The following SCFD1 variants were observed in gnomAD, a reference collection of about 807,000 sequenced individuals.
SCFD1 encodes sec1 family domain-containing protein 1.
A neutral mutation model predicts 103.2 loss-of-function variants in SCFD1; 37 were observed. The observed-to-expected ratio is 0.36, with a 90% CI of 0.28 to 0.47. SCFD1 has a LOEUF of 0.47. SCFD1 is among the 20% of genes least tolerant of loss of function. The probability of loss-of-function intolerance (pLI) is 1.00; values close to 1 mark genes in which losing one functional copy is unlikely to be tolerated. For missense variants in SCFD1, 639 were observed against 761.2 expected, an observed-to-expected ratio of 0.84 and a Z score of 1.89; for synonymous variants, 264 against 245.0, an observed-to-expected ratio of 1.08 and a Z score of -0.73.
intron 10 of SCFD1, among the ~76,000 whole-genome samples, chr14:30,666,895 T>C (rs1021137180): frequency 3.9e-5 from 6 of 152,112 alleles, no homozygotes; most frequent in Non-Finnish European, 5.9e-5. Context: ...GGCTCTGAAA[T>C]TGAGGCAGTA....
intron 14 of SCFD1, among the ~76,000 whole-genome samples, chr14:30,684,692 T>G (rs1175406460): frequency 6.6e-6 from 1 of 151,386 alleles, no homozygotes; most frequent in Non-Finnish European, 1.5e-5. Flanking sequence ...ATAGTGCTTT[T>G]GATTGTCTAG....
intron 19 of SCFD1, among the ~76,000 whole-genome samples, chr14:30,713,848 T>C (rs1892068935): frequency 1.3e-5 from 2 of 152,194 alleles, no homozygotes; most frequent in African/African-American, 2.4e-5. Flanking sequence ...TTTTTAATTA[T>C]TTATTCTTGT....
chr14:30,632,087 G>A (rs1163694134), intron 3 of SCFD1, among the ~76,000 whole-genome samples: 1 of 148,758 alleles, frequency 6.7e-6, no homozygotes, highest in Non-Finnish European at 1.5e-5. Flanking sequence ...TTTGGAGAAG[G>A]ACTGTGTTCA....
At chr14:30,636,723 G>A (rs143679536) in intron 4 of SCFD1, among the ~76,000 whole-genome samples, 78 of 151,964 alleles carry the variant, frequency 5.1e-4, no homozygotes, top group Non-Finnish European at 1.1e-3. Flanking sequence ...TCCAAATTAC[G>A]ATTAGCTTGT....
intron 14 of SCFD1, among the ~76,000 whole-genome samples, chr14:30,678,989 AG>A (rs998833201): frequency 1.1e-4 from 16 of 152,196 alleles, no homozygotes; most frequent in Non-Finnish European, 2.4e-4. Context: ...GCTTTTCACT[AG>A]TGTTCCTTCT....
chr14:30,648,731 T>C (rs1404829050), intron 7 of SCFD1, among the ~76,000 whole-genome samples: 1 of 152,188 alleles, frequency 6.6e-6, no homozygotes, highest in African/African-American at 2.4e-5. Context: ...AGTGAAACTT[T>C]GTCTACAACC....
intron 8 of SCFD1, among the ~76,000 whole-genome samples, 186 bp downstream of exon 8, chr14:30,649,769 C>T (rs1420794285): frequency 1.3e-5 from 2 of 152,092 alleles, no homozygotes; most frequent in East Asian, 1.9e-4. Context: ...TATTTCCACA[C>T]GAGAAAGTAA....
intron 9 of SCFD1, among the ~76,000 whole-genome samples, chr14:30,652,545 T>C (rs943717140): frequency 5.9e-5 from 9 of 152,186 alleles, no homozygotes; most frequent in African/African-American, 2.2e-4. Flanking sequence ...CTGTCAAACA[T>C]TTGTGTAAAT....
At chr14:30,660,977 C>G (rs1232135623) in intron 10 of SCFD1, among the ~76,000 whole-genome samples, 2 of 152,118 alleles carry the variant, frequency 1.3e-5, no homozygotes, top group East Asian at 3.9e-4. Flanking sequence ...CCTCTGGTTC[C>G]TTTGAGTAAC....
Position 30,650,193 on chromosome 14 carries a change from G to A in SCFD1, c.670-372G>A, listed in dbSNP as rs145304404. On this transcript the variant is annotated intron_variant, in intron 8 of 24. Coordinates refer to ENST00000458591, the MANE Select transcript of SCFD1 (RefSeq NM_016106.4). ...GGCTTCTTGTACCCACCACTACTTT[G>A]TTCACTCCTACCCACCCAAGTCAAC... Among the ~76,000 whole-genome samples, 297 of 152,140 alleles carry A rather than the reference G, an allele frequency of 2.0e-3. 1 individual carries two copies. Among genetic ancestry groups the A allele is most frequent in the Middle Eastern group, 0.01 (3 of 294 alleles).
intron 5 of SCFD1, among the ~76,000 whole-genome samples, chr14:30,638,916 A>G (rs1378103485): frequency 6.6e-6 from 1 of 152,214 alleles, no homozygotes; most frequent in Non-Finnish European, 1.5e-5. Context: ...CCATGCATAT[A>G]CTTTCTATTC....
chr14:30,674,833 T>C (rs1242093563), intron 13 of SCFD1, 151 bp from the exon 14 acceptor site: 1 of 458,138 alleles, frequency 2.2e-6, no homozygotes, highest in Non-Finnish European at 3.9e-6. Flanking sequence ...GGTGTTCAAG[T>C]CTAGAGATTA....
At position 30,678,324 on chromosome 14, in the gene SCFD1, T is replaced by A. The variant is rs148164237; in HGVS notation, c.1242+3259T>A. On this transcript the variant is annotated intron_variant, in intron 14 of 24. Coordinates refer to ENST00000458591, the MANE Select transcript of SCFD1 (RefSeq NM_016106.4). ...AGAAATCCTGGCAGTTACCCCGCAA[T>A]TGATGTTTTGGTGGAAAATTAGAGC... Among the ~76,000 whole-genome samples the A allele has an allele frequency of 3.9e-5, 6 of 152,288 alleles. No homozygotes were observed. In the East Asian group the frequency reaches 1.2e-3, roughly 29 times the overall value.
At chr14:30,654,180 A>G (rs1337914048) in intron 10 of SCFD1, among the ~76,000 whole-genome samples, 1 of 152,242 alleles carries the variant, frequency 6.6e-6, no homozygotes, top group African/African-American at 2.4e-5. Context: ...AAATAGGTAC[A>G]CAAATAATTT....
intron 15 of SCFD1, among the ~76,000 whole-genome samples, chr14:30,697,077 G>A (rs1010307882): frequency 3.3e-5 from 5 of 151,978 alleles, no homozygotes; most frequent in African/African-American, 7.3e-5. Flanking sequence ...TGGGGGGGGC[G>A]GTGTATACTC....
At chr14:30,656,048 G>T (rs1034618620) in intron 10 of SCFD1, among the ~76,000 whole-genome samples, 2 of 152,076 alleles carry the variant, frequency 1.3e-5, no homozygotes, top group East Asian at 1.9e-4. Flanking sequence ...ACAGGTTGTG[G>T]CTACTACAGT....
intron 14 of SCFD1, among the ~76,000 whole-genome samples, chr14:30,679,535 A>G (rs1362178458): frequency 6.6e-6 from 1 of 152,192 alleles, no homozygotes; most frequent in Non-Finnish European, 1.5e-5. Context: ...GGTGTGCTTT[A>G]TGCAAGAAAG....
chr14:30,668,735 G>A (rs1373182198), intron 10 of SCFD1, among the ~76,000 whole-genome samples: 1 of 152,160 alleles, frequency 6.6e-6, no homozygotes, highest in African/African-American at 2.4e-5. Context: ...CAAAAAGTGA[G>A]CGAAGGATAT....
At chr14:30,650,343 A>T (rs1389239351) in intron 8 of SCFD1, among the ~76,000 whole-genome samples, 1 of 152,214 alleles carries the variant, frequency 6.6e-6, no homozygotes, top group Non-Finnish European at 1.5e-5. Flanking sequence ...CTTCTTAGTG[A>T]CATCAGGCCC....
Sources: gnomAD v4.1 joint callset for allele counts (sites outside exome capture counted in the v4.1 genomes callset) on GRCh38, gnomAD v4.1.1 for gene constraint, MANE v1.5 for transcripts, NCBI Gene and HGNC (gene_info 2026-07-23, HGNC 2026-07-21) for gene names.